Variants in ITFG1 observed in about 807,000 individuals in gnomAD.
The protein encoded by ITFG1 is integrin alpha FG-GAP repeat containing 1.
In ITFG1, 34 loss-of-function variants were observed where a neutral mutation model predicts 81.8. The observed-to-expected ratio is 0.42, with a 90% CI of 0.32 to 0.55. The LOEUF is 0.55. Ranked by LOEUF, ITFG1 falls within the 20% of genes least tolerant of loss-of-function variation. ITFG1 has a pLI of 0.17. For synonymous variants in ITFG1, 285 were observed against 270.6 expected (o/e 1.05, Z -0.52); for missense variants, 672 against 755.4 (o/e 0.89, Z 1.29).
intron 6 of ITFG1, among the ~76,000 whole-genome samples, chr16:47,424,056 C>T (rs181817124): frequency 6.6e-6 from 1 of 152,228 alleles, no homozygotes; most frequent in Non-Finnish European, 1.5e-5. Flanking sequence ...CTATCACTTT[C>T]AGGTACACCA....
chr16:47,268,422 C>T (rs1176018567), intron 10 of ITFG1, among the ~76,000 whole-genome samples: 1 of 152,094 alleles, frequency 6.6e-6, no homozygotes, highest in Non-Finnish European at 1.5e-5. Flanking sequence ...ATGAATTCTA[C>T]CAAATATTGA....
At chr16:47,162,904 G>A (rs1180946326) in intron 14 of ITFG1, among the ~76,000 whole-genome samples, 1 of 152,030 alleles carries the variant, frequency 6.6e-6, no homozygotes, top group Non-Finnish European at 1.5e-5. Flanking sequence ...GACCTCTCAG[G>A]CTCAAGCTAT....
At chr16:47,287,359 G>A (rs1248913081) in intron 10 of ITFG1, among the ~76,000 whole-genome samples, 1 of 152,066 alleles carries the variant, frequency 6.6e-6, no homozygotes, top group African/African-American at 2.4e-5. Flanking sequence ...GATTACAAGC[G>A]TGAGCCACCA....
At chr16:47,348,895 G>T (rs1596917704) in intron 8 of ITFG1, among the ~76,000 whole-genome samples, 1 of 152,176 alleles carries the variant, frequency 6.6e-6, no homozygotes, top group African/African-American at 2.4e-5. Context: ...AAGAGAGTGG[G>T]GGCCAATATT....
At chr16:47,175,090 A>T (rs995683458) in intron 14 of ITFG1, among the ~76,000 whole-genome samples, 2 of 152,172 alleles carry the variant, frequency 1.3e-5, no homozygotes, top group African/African-American at 4.8e-5. Context: ...TACTGACATT[A>T]ATTAAAATGG....
rs1968334057 is a variant in ITFG1 at position 47,376,980 on chromosome 16, A to AAAAAATAAAAAAAAT, written c.656-1041_656-1040insATTTTTTTTATTTTT. 1.3e-5 allele frequency among the ~76,000 whole-genome samples: 2 copies of AAAAAATAAAAAAAAT among 150,076 alleles called. 1 individual carries two copies. The highest frequency in any genetic ancestry group is 5.0e-5 in the African/African-American group (2 of 40,152). Reference sequence around the variant, plus strand: ...CTGTCTCCCCAAAAAAAAAAAAAAAAAAAAAAAAAAGATTCAGAGTGATGT... The same window carrying AAAAAATAAAAAAAAT: ...CTGTCTCCCCAAAAAAAAAAAAAAAAAAAAATAAAAAAAATAAAAAAAAAAGATTCAGAGTGATGT... On this transcript the variant is annotated intron_variant, in intron 6 of 17. Transcript: ENST00000320640.
intron 6 of ITFG1, among the ~76,000 whole-genome samples, chr16:47,406,716 A>G (rs1213743778): frequency 6.6e-6 from 1 of 152,210 alleles, no homozygotes; most frequent in Non-Finnish European, 1.5e-5. Context: ...TTAGCAGGTG[A>G]AAGGGCTTTG....
intron 12 of ITFG1, among the ~76,000 whole-genome samples, chr16:47,240,596 A>G (rs773848069): frequency 6.6e-6 from 1 of 152,222 alleles, no homozygotes; most frequent in Non-Finnish European, 1.5e-5. Context: ...TATGAGATGC[A>G]TGCCCATGTT....
intron 13 of ITFG1, among the ~76,000 whole-genome samples, chr16:47,231,009 A>C (rs1020485786): frequency 6.6e-6 from 1 of 152,156 alleles, no homozygotes; most frequent in Non-Finnish European, 1.5e-5. Context: ...CAGCCTCCCA[A>C]AGTGTTGGGA....
chr16:47,453,067 T>G (rs1969408971), intron 3 of ITFG1, among the ~76,000 whole-genome samples: 1 of 152,222 alleles, frequency 6.6e-6, no homozygotes, highest in Non-Finnish European at 1.5e-5. Flanking sequence ...TCTTTGTCTT[T>G]ACACAATTTA....
At chr16:47,324,850 T>A (rs1316850519) in intron 8 of ITFG1, among the ~76,000 whole-genome samples, 2 of 152,152 alleles carry the variant, frequency 1.3e-5, no homozygotes, top group African/African-American at 4.8e-5. Context: ...CTTAGTGACC[T>A]ACGAAGAGAC....
At chr16:47,206,272 C>G (rs142876428) in intron 14 of ITFG1, among the ~76,000 whole-genome samples, 232 of 152,340 alleles carry the variant, frequency 1.5e-3, no homozygotes, top group African/African-American at 5.4e-3. Flanking sequence ...CTCCCCCATC[C>G]CCATCTAAAC....
intron 4 of ITFG1, among the ~76,000 whole-genome samples, chr16:47,451,689 C>A (rs1324932985): frequency 2.0e-5 from 3 of 152,152 alleles, no homozygotes; most frequent in Non-Finnish European, 4.4e-5. Flanking sequence ...CCTCTCCAGG[C>A]TTGCCATGGC....
intron 10 of ITFG1, among the ~76,000 whole-genome samples, chr16:47,306,154 AT>A (rs1459764178): frequency 2.0e-5 from 3 of 152,202 alleles, no homozygotes; most frequent in Non-Finnish European, 2.9e-5. Context: ...AATGACAAAA[AT>A]AAAAATTTTA....
intron 6 of ITFG1, among the ~76,000 whole-genome samples, chr16:47,411,831 T>C (rs1189276242): frequency 6.6e-6 from 1 of 152,084 alleles, no homozygotes. Flanking sequence ...AGAGCGCTCT[T>C]GCAAATGTAG....
chr16:47,307,959 CT>C (rs1265539527), intron 10 of ITFG1, among the ~76,000 whole-genome samples: 4 of 152,112 alleles, frequency 2.6e-5, no homozygotes, highest in Admixed American at 2.6e-4. Flanking sequence ...ATCCATGTTG[CT>C]GTAAAGTACA....
chr16:47,189,257 A>G (rs1162643399), intron 14 of ITFG1, among the ~76,000 whole-genome samples: 3 of 152,174 alleles, frequency 2.0e-5, no homozygotes, highest in Admixed American at 1.3e-4. Context: ...TTTACAGTGT[A>G]CAATTCAGTG....
At chr16:47,323,105 A>T (rs1307352886) in intron 8 of ITFG1, among the ~76,000 whole-genome samples, 1 of 152,032 alleles carries the variant, frequency 6.6e-6, no homozygotes, top group Admixed American at 6.6e-5. Context: ...TATGATTTGA[A>T]TATTTGTCCC....
chr16:47,438,303 TTAAA>T (rs1969196732), intron 5 of ITFG1, among the ~76,000 whole-genome samples: 1 of 152,178 alleles, frequency 6.6e-6, no homozygotes, highest in African/African-American at 2.4e-5. Flanking sequence ...CTCTGCAGAC[TTAAA>T]TATCTCTGTC....
Sources: gnomAD v4.1 joint callset for allele counts (sites outside exome capture counted in the v4.1 genomes callset) on GRCh38, gnomAD v4.1.1 for gene constraint, MANE v1.5 for transcripts, NCBI Gene and HGNC (gene_info 2026-07-23, HGNC 2026-07-21) for gene names.